SHC3: variants seen among roughly 807,000 people sequenced by gnomAD.
SHC3 encodes the protein SHC-transforming protein 3.
SHC3 carries 15 observed loss-of-function variants against 60.4 expected under a neutral mutation model. The observed-to-expected ratio is 0.25, with a 90% CI of 0.17 to 0.38. The LOEUF (loss-of-function observed/expected upper bound fraction) is 0.38. Among genes scored for constraint, SHC3 ranks in the 10% least tolerant of loss-of-function variants. The pLI, the probability that SHC3 is intolerant of heterozygous loss-of-function variation, is 1.00. For synonymous variants in SHC3, 294 were observed against 325.9 expected, an observed-to-expected ratio of 0.90 and a Z score of 1.05; for missense variants, 677 against 786.1, an observed-to-expected ratio of 0.86 and a Z score of 1.66.
chr9:89,165,608 T>C (rs959117543), intron 1 of SHC3, among the ~76,000 whole-genome samples: 8 of 143,646 alleles, frequency 5.6e-5, no homozygotes, highest in South Asian at 2.3e-4. Context: ...CCTTTAGAGG[T>C]GGAAATGAGA....
At chr9:89,025,306 C>T (rs574043002) in intron 11 of SHC3, among the ~76,000 whole-genome samples, 26 of 152,268 alleles carry the variant, frequency 1.7e-4, no homozygotes, top group East Asian at 1.2e-3. Context: ...ACCCCACCTC[C>T]AGGCTTGTAG....
intron 6 of SHC3, among the ~76,000 whole-genome samples, chr9:89,055,894 C>T (rs1336486860): frequency 1.3e-5 from 2 of 152,180 alleles, no homozygotes; most frequent in Non-Finnish European, 2.9e-5. Flanking sequence ...AACGTGCATT[C>T]CTGTATTAAT....
intron 1 of SHC3, among the ~76,000 whole-genome samples, chr9:89,145,107 G>C (rs1416376995): frequency 2.0e-5 from 3 of 152,104 alleles, no homozygotes; most frequent in Non-Finnish European, 4.4e-5. Flanking sequence ...CACATCCCCA[G>C]GAGTACAGAA....
chr9:89,109,111 C>T (rs1221606654), intron 2 of SHC3: 20 of 985,554 alleles, frequency 2.0e-5, no homozygotes, highest in Non-Finnish European at 2.4e-5. Context: ...GGGCCAGGTC[C>T]TGGGGATAGG....
chr9:89,018,876 T>C (rs1826148347), intron 11 of SHC3, among the ~76,000 whole-genome samples: 2 of 151,420 alleles, frequency 1.3e-5, no homozygotes, highest in South Asian at 4.2e-4. Flanking sequence ...GCCAACACAG[T>C]GTAACCCCAT....
intron 4 of SHC3, among the ~76,000 whole-genome samples, chr9:89,072,280 C>T (rs899985167): frequency 5.3e-5 from 8 of 152,068 alleles, no homozygotes; most frequent in African/African-American, 1.9e-4. Context: ...ACAGGGAGGC[C>T]CACCCCGAGG....
intron 1 of SHC3, among the ~76,000 whole-genome samples, chr9:89,154,090 G>T (rs1161045476): frequency 1.3e-5 from 2 of 152,144 alleles, no homozygotes; most frequent in Non-Finnish European, 2.9e-5. Context: ...CTTGGCCATG[G>T]GCTATATGTG....
intron 1 of SHC3, among the ~76,000 whole-genome samples, chr9:89,114,576 C>T (rs1465765972): frequency 2.0e-5 from 3 of 152,068 alleles, no homozygotes; most frequent in Non-Finnish European, 4.4e-5. Flanking sequence ...CATGTAAATA[C>T]TATACCATAT....
chr9:89,083,316 G>T (rs978594898), intron 2 of SHC3, among the ~76,000 whole-genome samples: 1 of 152,232 alleles, frequency 6.6e-6, no homozygotes, highest in Admixed American at 6.5e-5. Flanking sequence ...GCTGAAAGAG[G>T]CAGTGGAGGA....
chr9:89,030,481 T>C (rs558056534), intron 11 of SHC3, among the ~76,000 whole-genome samples: 1 of 152,110 alleles, frequency 6.6e-6, no homozygotes, highest in Admixed American at 6.5e-5. Flanking sequence ...ACACAAAATA[T>C]CAACACTGAC....
In SHC3 at chr9:89,006,381, T is replaced by C. The variant is rs1312119498; in HGVS notation, c.*7066A>G. 1.3e-5 allele frequency: 2 copies of C among 152,262 alleles called. No homozygotes were observed. The highest frequency in any genetic ancestry group is 2.4e-5 in the African/African-American group (1 of 41,468). The allele number at this position is 152,262 out of a possible 1,614,324, so 9.4% of individuals were successfully genotyped here. On this transcript the variant is annotated 3_prime_UTR_variant, in exon 12 of 12. Coordinates refer to ENST00000375835, the MANE Select transcript of SHC3 (RefSeq NM_016848.6). Reference sequence around the variant, plus strand: ...CAAAACACCAGATAACTTAGGTTTTTTCATTTGTCATAGAACAAAGATTAG... The same window carrying C: ...CAAAACACCAGATAACTTAGGTTTTCTCATTTGTCATAGAACAAAGATTAG...
At chr9:89,102,597 G>T (rs1025073523) in intron 2 of SHC3, among the ~76,000 whole-genome samples, 1 of 151,900 alleles carries the variant, frequency 6.6e-6, no homozygotes, top group Non-Finnish European at 1.5e-5. Context: ...TAATTGGCAG[G>T]TTTTTTTTGT....
intron 3 of SHC3, among the ~76,000 whole-genome samples, chr9:89,077,334 A>G (rs1825375405): frequency 2.6e-5 from 4 of 152,194 alleles, no homozygotes; most frequent in African/African-American, 9.6e-5. Context: ...GAGCTACTAC[A>G]TATCTCTTCC....
At chr9:89,109,627 G>A (rs1290587866) in intron 2 of SHC3, 2 of 985,454 alleles carry the variant, frequency 2.0e-6, no homozygotes, top group Non-Finnish European at 2.4e-6. Flanking sequence ...ATCTTGTCTG[G>A]CCTGCTCTCC....
At chr9:89,149,619 T>C (rs1308629634) in intron 1 of SHC3, among the ~76,000 whole-genome samples, 1 of 152,184 alleles carries the variant, frequency 6.6e-6, no homozygotes, top group East Asian at 1.9e-4. Flanking sequence ...ATACCTCTGG[T>C]TCATTTTATT....
chr9:89,100,642 T>C (rs1825769478), intron 2 of SHC3, among the ~76,000 whole-genome samples: 2 of 152,182 alleles, frequency 1.3e-5, no homozygotes, highest in Non-Finnish European at 2.9e-5. Flanking sequence ...TCAATATCAC[T>C]TTTCCCCACC....
chr9:89,166,444 C>T (rs573400195), intron 1 of SHC3, among the ~76,000 whole-genome samples: 15 of 152,096 alleles, frequency 9.9e-5, no homozygotes, highest in Admixed American at 2.0e-4. Flanking sequence ...GATGGCAAGA[C>T]TGGAAAAAAT....
chr9:89,035,545 G>A (rs976271881), intron 11 of SHC3, among the ~76,000 whole-genome samples: 1 of 152,086 alleles, frequency 6.6e-6, no homozygotes, highest in Non-Finnish European at 1.5e-5. Context: ...CCCAGAAACA[G>A]ACCATGATGC....
chr9:89,045,854 A>G, intron 8 of SHC3, 21 bp from the exon 9 acceptor site: 1 of 1,608,288 alleles, frequency 6.2e-7, no homozygotes, highest in African/African-American at 1.3e-5. Flanking sequence ...ATGTAAATAC[A>G]CAGAATGAAA....
Sources: gnomAD v4.1 joint callset for allele counts (sites outside exome capture counted in the v4.1 genomes callset) on GRCh38, gnomAD v4.1.1 for gene constraint, MANE v1.5 for transcripts, NCBI Gene and HGNC (gene_info 2026-07-23, HGNC 2026-07-21) for gene names.